Variants in ZNF316 observed in about 807,000 individuals in gnomAD.
ZNF316 encodes the protein zinc finger protein 316.
ZNF316 carries 23 observed loss-of-function variants against 75.6 expected under a neutral mutation model. The ratio of observed to expected loss-of-function variants is 0.30; its 90% CI spans 0.22 to 0.43. The LOEUF is 0.43. Ranked by LOEUF, ZNF316 falls within the 20% of genes least tolerant of loss-of-function variation. ZNF316 has a pLI of 1.00. For missense variants in ZNF316, 1,266 were observed against 1,409.4 expected, an observed-to-expected ratio of 0.90 and a Z score of 1.63; for synonymous variants, 827 against 666.2, an observed-to-expected ratio of 1.24 and a Z score of -3.72.
At chr7:6,641,259 C>G (rs1779307060) in intron 3 of ZNF316, among the ~76,000 whole-genome samples, 1 of 152,236 alleles carries the variant, frequency 6.6e-6, no homozygotes, top group African/African-American at 2.4e-5. Flanking sequence ...GCCTGACATT[C>G]CAGGATGCTT....
At position 6,652,572 on chromosome 7, in the gene ZNF316, C is replaced by T. The variant is rs554793791; in HGVS notation, c.976C>T (p.Leu326=). 6.4e-5 allele frequency: 79 copies of T among 1,230,874 alleles called. No homozygotes were observed. The African/African-American group carries it at 1.1e-3, about 18-fold the overall frequency. 76.2% of individuals were successfully genotyped at this position (1,230,874 alleles called of 1,614,324 possible). A position where few individuals can be genotyped will look rare whatever the true frequency, so the allele number is the denominator to read the frequency against. Residue 326 remains leucine (L), a synonymous_variant, in exon 9 of 9, where the codon CTG becomes TTG. Transcript: ENST00000382252. ...GCCCGGCCGGGAGCCGGGTGCGAAC[C>T]TGCTGTCGCCCTGGGCGTTCCCCGC... The part of the protein sequence containing the change: ...FLPGREPGAN[L]LSPWAFPAAV...
In ZNF316 at chr7:6,657,648, C is replaced by T. The variant is rs115413780; in HGVS notation, c.*3037C>T. Among the ~76,000 whole-genome samples the T allele has an allele frequency of 6.6e-6, 1 of 151,808 alleles. No homozygotes were observed. Among genetic ancestry groups the T allele is most frequent in the East Asian group, 1.9e-4 (1 of 5,180 alleles). On this transcript the variant is annotated 3_prime_UTR_variant, in exon 9 of 9. Coordinates refer to ENST00000382252, the MANE Select transcript of ZNF316 (RefSeq NM_001278559.2). Reference sequence around the variant, plus strand: ...ATTCCTTGAGCTCAGGAGTTCGAGGCCAGCTGGGACAACACGGCAAAACTC... The same window carrying T: ...ATTCCTTGAGCTCAGGAGTTCGAGGTCAGCTGGGACAACACGGCAAAACTC...
chr7:6,651,687 C>G (rs1436031423), intron 8 of ZNF316, among the ~76,000 whole-genome samples: 1 of 152,010 alleles, frequency 6.6e-6, no homozygotes, highest in African/African-American at 2.4e-5. Flanking sequence ...TGCTTGAACC[C>G]ACGAGGTGGA....
intron 8 of ZNF316, among the ~76,000 whole-genome samples, chr7:6,650,005 T>C (rs62439670): frequency 0.036 from 5,528 of 152,292 alleles, 121 homozygotes; most frequent in South Asian, 0.058. Flanking sequence ...TCTTTGAGGC[T>C]TATTATCCAG....
At chr7:6,649,311 C>A (rs1399603787) in intron 8 of ZNF316, among the ~76,000 whole-genome samples, 1 of 152,126 alleles carries the variant, frequency 6.6e-6, no homozygotes, top group Non-Finnish European at 1.5e-5. Context: ...CCTCTGCTGT[C>A]CCCTGGGTTC....
At position 6,655,801 on chromosome 7, in the gene ZNF316, G is replaced by C. The variant is rs924991857; in HGVS notation, c.*1190G>C. 2 of 152,128 alleles carry C rather than the reference G, an allele frequency of 1.3e-5. No homozygotes were observed. The highest frequency in any genetic ancestry group is 2.9e-5 in the Non-Finnish European group (2 of 68,068). The allele number at this position is 152,128 out of a possible 1,614,324, so 9.4% of individuals were successfully genotyped here. On this transcript the variant is annotated 3_prime_UTR_variant, in exon 9 of 9. Transcript: ENST00000382252. Reference sequence around the variant, plus strand: ...GTCCACCTCGGGGGGGTGTGGACCTGAGCCGTGGCTCAGTGACAAACCAGG... The same window carrying C: ...GTCCACCTCGGGGGGGTGTGGACCTCAGCCGTGGCTCAGTGACAAACCAGG...
At chr7:6,652,230 G>A in intron 8 of ZNF316, 73 bp from the exon 9 acceptor site, 1 of 1,223,854 alleles carries the variant, frequency 8.2e-7, no homozygotes, top group Non-Finnish European at 1.0e-6. Flanking sequence ...TGATTTCTCG[G>A]GACAGGAACC....
chr7:6,657,648 C>G lies in ZNF316; in HGVS notation c.*3037C>G, dbSNP rs115413780. Among the ~76,000 whole-genome samples, 2,779 of 151,918 alleles carry G rather than the reference C, an allele frequency of 0.018. 86 individuals carry two copies. Among genetic ancestry groups the G allele is most frequent in the African/African-American group, 0.063 (2,591 of 41,410 alleles). ...ATTCCTTGAGCTCAGGAGTTCGAGGCCAGCTGGGACAACACGGCAAAACTC... is the reference window on the plus strand; with the variant it reads ...ATTCCTTGAGCTCAGGAGTTCGAGGGCAGCTGGGACAACACGGCAAAACTC... On this transcript the variant is annotated 3_prime_UTR_variant, in exon 9 of 9. Coordinates refer to ENST00000382252, the MANE Select transcript of ZNF316 (RefSeq NM_001278559.2).
chr7:6,637,772 C>G lies in ZNF316; in HGVS notation c.-430-74C>G, dbSNP rs1779241714. Reference sequence around the variant, plus strand: ...CTCGGGGTGCCCGCCCACGCCTTCTCGGCCGCAGCGGCAGGGGCTGGGCCG... The same window carrying G: ...CTCGGGGTGCCCGCCCACGCCTTCTGGGCCGCAGCGGCAGGGGCTGGGCCG... On this transcript the variant is annotated intron_variant, in intron 1 of 8. Coordinates refer to ENST00000382252, the MANE Select transcript of ZNF316 (RefSeq NM_001278559.2). The surrounding 1 kb of genome is among the most constrained non-coding windows in gnomAD (Gnocchi z 6.2). 1 of 152,090 alleles carries G rather than the reference C, an allele frequency of 6.6e-6. No individual in the cohort carries two copies. Among genetic ancestry groups the G allele is most frequent in the Non-Finnish European group, 1.5e-5 (1 of 68,034 alleles). 9.4% of individuals were successfully genotyped at this position (152,090 alleles called of 1,614,324 possible). A position where few individuals can be genotyped will look rare whatever the true frequency, so the allele number is the denominator to read the frequency against.
At position 6,653,249 on chromosome 7, in the gene ZNF316, C is replaced by T. The variant is rs1269464667; in HGVS notation, c.1653C>T (p.Ala551=). 3.0e-5 allele frequency: 37 copies of T among 1,226,620 alleles called. No homozygotes were observed. Among genetic ancestry groups the T allele is most frequent in the Non-Finnish European group, 3.8e-5 (37 of 985,134 alleles). The allele number at this position is 1,226,620 out of a possible 1,614,324, so 76.0% of individuals were successfully genotyped here. A position where few individuals can be genotyped will look rare whatever the true frequency, so the allele number is the denominator to read the frequency against. ...GCGAGGCGGACGGAGAGGCGGAGGC[C>T]GCGGCCGAGGAGAGAGAGGAGGCGG... ...EVGEADGEAE[A]AAEEREEAAV... is the part of the protein sequence containing the mutation. Residue 551 remains alanine, a synonymous_variant, in exon 9 of 9, where the codon GCC becomes GCT. Transcript: ENST00000382252.
chr7:6,650,698 G>A (rs1779492433), intron 8 of ZNF316, among the ~76,000 whole-genome samples: 1 of 152,190 alleles, frequency 6.6e-6, no homozygotes, highest in African/African-American at 2.4e-5. Context: ...AAATGGGCAG[G>A]GGACCCAGGT....
At position 6,657,523 on chromosome 7, in the gene ZNF316, A is replaced by G. The variant is rs1426076164; in HGVS notation, c.*2912A>G. 6.6e-6 allele frequency among the ~76,000 whole-genome samples: 1 copy of G among 152,008 alleles called. No homozygotes were observed. The highest frequency in any genetic ancestry group is 1.9e-4 in the East Asian group (1 of 5,186). ...AAAAATGGAGCCCCTTGAGGATCTT[A>G]CAGTCTATTCAGAAAAGTTAAATGA... On this transcript the variant is annotated 3_prime_UTR_variant, in exon 9 of 9. Transcript: ENST00000382252.
In ZNF316 at chr7:6,640,294, A is replaced by T. The variant is rs1275694342; in HGVS notation, c.-167+1153A>T. 6.6e-6 allele frequency among the ~76,000 whole-genome samples: 1 copy of T among 152,076 alleles called. No homozygotes were observed. The highest frequency in any genetic ancestry group is 1.5e-5 in the Non-Finnish European group (1 of 68,022). Reference sequence around the variant, plus strand: ...GGGTCATTTATAAAGAAGAGGTGAGACTGGCGCATGGTTCTGCAGGCTGTA... The same window carrying T: ...GGGTCATTTATAAAGAAGAGGTGAGTCTGGCGCATGGTTCTGCAGGCTGTA... On this transcript the variant is annotated intron_variant, in intron 3 of 8. Coordinates refer to ENST00000382252, the MANE Select transcript of ZNF316 (RefSeq NM_001278559.2). The surrounding 1 kb of genome is among the most constrained non-coding windows in gnomAD (Gnocchi z 5.1).
chr7:6,643,700 C>T, intron 6 of ZNF316, 122 bp from the exon 7 acceptor site: 1 of 910,280 alleles, frequency 1.1e-6, no homozygotes, highest in Non-Finnish European at 1.4e-6. Context: ...TGAAAGCCCT[C>T]AGTGCCATCT....
In ZNF316 at chr7:6,658,263, A is replaced by G. The variant is rs548248255; in HGVS notation, c.*3652A>G. 6.6e-6 allele frequency among the ~76,000 whole-genome samples: 1 copy of G among 152,270 alleles called. No homozygotes were observed. Among genetic ancestry groups the G allele is most frequent in the Non-Finnish European group, 1.5e-5 (1 of 68,022 alleles). ...AATTACTGGGTTATATCTATTAAAT[A>G]AAGCTTTATGATCTTTGCTCTTTTT... On this transcript the variant is annotated 3_prime_UTR_variant, in exon 9 of 9. Coordinates refer to ENST00000382252, the MANE Select transcript of ZNF316 (RefSeq NM_001278559.2).
At chr7:6,646,537 C>G (rs1474491457) in intron 8 of ZNF316, among the ~76,000 whole-genome samples, 1 of 152,154 alleles carries the variant, frequency 6.6e-6, no homozygotes, top group East Asian at 1.9e-4. Context: ...TGAGAGCTAC[C>G]TGAGGGGCTG....
chr7:6,642,561 T>G lies in ZNF316; in HGVS notation c.152T>G (p.Ile51Arg). ...VQEVEEEEEE[I>R]VVEEEEEGVA... ...GAGGTGGAAGAAGAGGAGGAGGAGA[T>G]AGTGGTGGAGGAGGAGGAGGAGGGT... Residue 51 changes from isoleucine to arginine, a missense_variant, in exon 5 of 9, where the codon ATA becomes AGA. This residue lies in a region of ZNF316 where 961 missense variants were observed against 990.9 expected (regional missense o/e 0.97). Coordinates refer to ENST00000382252, the MANE Select transcript of ZNF316 (RefSeq NM_001278559.2). This position sits in a 1 kb window ranked among gnomAD's most constrained non-coding sequence, Gnocchi z 8.1. 4 of 1,203,002 alleles carry G rather than the reference T, an allele frequency of 3.3e-6. No individual in the cohort carries two copies. Among genetic ancestry groups the G allele is most frequent in the Non-Finnish European group, 4.2e-6 (4 of 962,510 alleles). The allele number at this position is 1,203,002 out of a possible 1,614,324, so 74.5% of individuals were successfully genotyped here. A position where few individuals can be genotyped will look rare whatever the true frequency, so the allele number is the denominator to read the frequency against.
At chr7:6,650,829 A>G (rs1779494811) in intron 8 of ZNF316, among the ~76,000 whole-genome samples, 1 of 152,218 alleles carries the variant, frequency 6.6e-6, no homozygotes, top group Non-Finnish European at 1.5e-5. Flanking sequence ...GCTGCAGGCC[A>G]GGTGTCATCC....
chr7:6,643,974 A>G (rs1446402380), intron 7 of ZNF316, 26 bp downstream of exon 7: 7 of 1,232,056 alleles, frequency 5.7e-6, no homozygotes, highest in Non-Finnish European at 6.1e-6. Flanking sequence ...TTTGTCCCCA[A>G]GAGGCAGCCT....
Sources: allele counts gnomAD v4.1 joint callset (sites outside exome capture counted in the v4.1 genomes callset), GRCh38; gene constraint gnomAD v4.1.1; regional missense constraint gnomAD v4.1.1; non-coding constraint Gnocchi (gnomAD v3.1); transcripts MANE v1.5; gene names NCBI Gene and HGNC (gene_info 2026-07-23, HGNC 2026-07-21).